Variants in SH3PXD2B observed in about 807,000 individuals in gnomAD.
The protein encoded by SH3PXD2B is SH3 and PX domain-containing protein 2B.
SH3PXD2B carries 37 observed loss-of-function variants against 73.1 expected under a neutral mutation model. The observed-to-expected ratio is 0.51, with a 90% confidence interval of 0.39 to 0.67. The LOEUF is 0.67. SH3PXD2B is among the 30% of genes least tolerant of loss of function. The probability of loss-of-function intolerance (pLI) is 0.00; values close to 1 mark genes in which losing one functional copy is unlikely to be tolerated. For synonymous variants in SH3PXD2B, 457 were observed against 480.5 expected, an observed-to-expected ratio of 0.95 and a Z score of 0.64; for missense variants, 1,053 against 1,197.8, an observed-to-expected ratio of 0.88 and a Z score of 1.78.
At chr5:172,351,914 C>T (rs893449730) in intron 9 of SH3PXD2B, among the ~76,000 whole-genome samples, 1 of 152,148 alleles carries the variant, frequency 6.6e-6, no homozygotes, top group African/African-American at 2.4e-5. Context: ...ATATAACCCA[C>T]ACGCTCAGTT....
intron 1 of SH3PXD2B, among the ~76,000 whole-genome samples, chr5:172,436,757 G>A (rs1759398286): frequency 6.6e-6 from 1 of 152,254 alleles, no homozygotes; most frequent in Admixed American, 6.5e-5. Context: ...AGCTTCTGCA[G>A]CGGGTCATCA....
At chr5:172,369,473 T>C (rs1028985051) in intron 6 of SH3PXD2B, among the ~76,000 whole-genome samples, 1 of 152,018 alleles carries the variant, frequency 6.6e-6, no homozygotes, top group Non-Finnish European at 1.5e-5. Flanking sequence ...GAAGGAACAG[T>C]TTAAAACTCA....
chr5:172,424,519 G>C (rs1759051691), intron 1 of SH3PXD2B, among the ~76,000 whole-genome samples: 2 of 152,340 alleles, frequency 1.3e-5, no homozygotes, highest in South Asian at 2.1e-4. Context: ...AACTTCAGGG[G>C]CTGGGGCCAG....
intron 1 of SH3PXD2B, among the ~76,000 whole-genome samples, chr5:172,426,572 C>T (rs566184631): frequency 2.6e-5 from 4 of 152,262 alleles, no homozygotes; most frequent in South Asian, 2.1e-4. Context: ...TGACTTCCCA[C>T]GGGGAATCCT....
chr5:172,381,137 C>A (rs373288496), intron 5 of SH3PXD2B, among the ~76,000 whole-genome samples: 2 of 152,248 alleles, frequency 1.3e-5, no homozygotes, highest in Admixed American at 6.5e-5. Context: ...CTGCCCGCCA[C>A]GCTGGCTGCT....
chr5:172,378,400 T>A (rs1757866924), intron 5 of SH3PXD2B, among the ~76,000 whole-genome samples: 1 of 152,208 alleles, frequency 6.6e-6, no homozygotes, highest in Non-Finnish European at 1.5e-5. Flanking sequence ...AAACTGCAGG[T>A]GCTCTTCCAG....
downstream of SH3PXD2B, among the ~76,000 whole-genome samples, chr5:172,333,325 G>A (rs1038712235): frequency 5.3e-5 from 8 of 152,140 alleles, no homozygotes; most frequent in Admixed American, 3.9e-4. Context: ...TTGGTTTGTG[G>A]ACATTGTAGT....
chr5:172,354,129 C>G (rs1561900113), intron 8 of SH3PXD2B, 124 bp from the exon 9 acceptor site: 4 of 892,446 alleles, frequency 4.5e-6, no homozygotes, highest in Non-Finnish European at 7.3e-6. Context: ...GGCACCCCCC[C>G]TGGCCCTGAC....
At chr5:172,414,509 A>T (rs1758775921) in intron 2 of SH3PXD2B, among the ~76,000 whole-genome samples, 1 of 151,346 alleles carries the variant, frequency 6.6e-6, no homozygotes, top group Admixed American at 6.6e-5. Flanking sequence ...GTCCTAGCTC[A>T]ATGGAAACTG....
rs1758816944 is a variant in SH3PXD2B, at chr5:172,416,225, G to A, written c.156+6191C>T. On this transcript the variant is annotated intron_variant, in intron 2 of 12. Transcript: ENST00000311601. The stretch of plus-strand genomic sequence containing the variant: ...CACCTGTAGTCTCAGCTACTCGGGA[G>A]GCTAAGGTGGGAGGATCACTTGAAC... Among the ~76,000 whole-genome samples, 3 of 152,286 alleles carry A rather than the reference G, an allele frequency of 2.0e-5. No individual in the cohort carries two copies. The South Asian group carries it at 6.2e-4, about 32-fold the overall frequency.
chr5:172,327,135 C>T (rs181674126), intron 12 of SH3PXD2B, among the ~76,000 whole-genome samples: 6 of 152,270 alleles, frequency 3.9e-5, no homozygotes, highest in African/African-American at 1.4e-4. Context: ...GTTGGGATTA[C>T]AGGCATGAAC....
rs1230025225 is a variant in SH3PXD2B, at chr5:172,421,109, G to A, written c.156+1307C>T. ...TCAGGATGGAGACTTGTGTTGGCCT[G>A]AGAGGTGACATAGCCCCTTACCAGG... On this transcript the variant is annotated intron_variant, in intron 2 of 12. Transcript: ENST00000311601. The surrounding 1 kb of genome is among the most constrained non-coding windows in gnomAD (Gnocchi z 4.0). Among the ~76,000 whole-genome samples, 1 of 152,240 alleles carries A rather than the reference G, an allele frequency of 6.6e-6. No individual in the cohort carries two copies. Among genetic ancestry groups the A allele is most frequent in the Non-Finnish European group, 1.5e-5 (1 of 68,042 alleles).
chr5:172,411,626 G>A (rs997227805), intron 2 of SH3PXD2B, among the ~76,000 whole-genome samples: 1 of 152,190 alleles, frequency 6.6e-6, no homozygotes, highest in Non-Finnish European at 1.5e-5. Context: ...TGCAGGATGA[G>A]GGACGCAGCC....
chr5:172,443,425 G>A (rs1012957009), intron 1 of SH3PXD2B, among the ~76,000 whole-genome samples: 1 of 152,156 alleles, frequency 6.6e-6, no homozygotes, highest in African/African-American at 2.4e-5. Flanking sequence ...GAACCCCACT[G>A]CTAGTCAGCT....
At chr5:172,348,814 C>T (rs897680893) in intron 10 of SH3PXD2B, among the ~76,000 whole-genome samples, 3 of 152,056 alleles carry the variant, frequency 2.0e-5, no homozygotes, top group Non-Finnish European at 4.4e-5. Flanking sequence ...TCAAGTGATC[C>T]TCCCGCCTCA....
At chr5:172,340,581 C>CT (rs1293338520) in intron 12 of SH3PXD2B, among the ~76,000 whole-genome samples, 1 of 152,098 alleles carries the variant, frequency 6.6e-6, no homozygotes, top group East Asian at 1.9e-4. Flanking sequence ...TTATAGAGTC[C>CT]ACAACACATG....
intron 1 of SH3PXD2B, among the ~76,000 whole-genome samples, chr5:172,442,604 C>T (rs1480032056): frequency 6.6e-6 from 1 of 152,058 alleles, no homozygotes. Flanking sequence ...GGAGTACATC[C>T]TTAATTAGAG....
At chr5:172,396,565 C>T (rs1194971177) in intron 3 of SH3PXD2B, among the ~76,000 whole-genome samples, 1 of 150,018 alleles carries the variant, frequency 6.7e-6, no homozygotes, top group Non-Finnish European at 1.5e-5. Context: ...TGCAAAAGGA[C>T]ACTATTTGGA....
intron 8 of SH3PXD2B, among the ~76,000 whole-genome samples, chr5:172,354,805 G>A (rs1757235612): frequency 6.6e-6 from 1 of 152,214 alleles, no homozygotes; most frequent in Non-Finnish European, 1.5e-5. Context: ...TGACTGGGAT[G>A]TCTTCTACCA....
Sources: gnomAD v4.1 joint callset for allele counts (sites outside exome capture counted in the v4.1 genomes callset) on GRCh38, gnomAD v4.1.1 for gene constraint, Gnocchi (gnomAD v3.1) non-coding constraint, MANE v1.5 for transcripts, NCBI Gene and HGNC (gene_info 2026-07-23, HGNC 2026-07-21) for gene names.